The following STMND1 variants were observed in gnomAD, a reference collection of about 807,000 sequenced individuals.
STMND1 encodes the protein stathmin domain containing 1.
In STMND1, 17 loss-of-function variants were observed where a neutral mutation model predicts 23.0. The observed-to-expected ratio is 0.74, with a 90% CI of 0.51 to 1.11. The LOEUF (loss-of-function observed/expected upper bound fraction) is 1.11, where lower values mean the gene tolerates loss of function less well. Ranked by LOEUF, STMND1 falls within the 50% of genes least tolerant of loss-of-function variation. The pLI is 0.00. For missense variants in STMND1, 305 were observed against 329.1 expected (o/e 0.93, Z 0.57); for synonymous variants, 114 against 119.9 (o/e 0.95, Z 0.32).
At chr6:17,104,762 A>G (rs1760995980) in intron 1 of STMND1, among the ~76,000 whole-genome samples, 1 of 152,380 alleles carries the variant, frequency 6.6e-6, no homozygotes, top group Non-Finnish European at 1.5e-5. Context: ...TAGGTAGGAC[A>G]CATAAACCCA....
intron 1 of STMND1, among the ~76,000 whole-genome samples, chr6:17,107,998 C>T (rs911652495): frequency 7.2e-5 from 11 of 152,298 alleles, no homozygotes; most frequent in South Asian, 4.1e-4. Flanking sequence ...ATGTGTTACA[C>T]ATGGGTAAGA....
At position 17,102,187 on chromosome 6, in the gene STMND1, G is replaced by C. The variant is rs1045459306; in HGVS notation, c.-71G>C. The stretch of plus-strand genomic sequence containing the variant: ...CAGGAGCGCGGGACCACCGGCGCCG[G>C]AGCGCGGCAGGGAGCGCTCGCGGGG... On this transcript the variant is annotated 5_prime_UTR_variant, in exon 1 of 5. Transcript: ENST00000536551. 49 of 1,415,750 alleles carry C rather than the reference G, an allele frequency of 3.5e-5. No homozygotes were observed. Among genetic ancestry groups the C allele is most frequent in the Non-Finnish European group, 4.2e-5 (46 of 1,090,792 alleles). 87.7% of individuals were successfully genotyped at this position (1,415,750 alleles called of 1,614,324 possible).
chr6:17,126,078 T>A (rs1469357113), intron 3 of STMND1, among the ~76,000 whole-genome samples: 1,694 of 72,870 alleles, frequency 0.023, 4 homozygotes, highest in Non-Finnish European at 0.037. Flanking sequence ...ATATTTTTTT[T>A]TTTTTTTTTT....
intron 1 of STMND1, among the ~76,000 whole-genome samples, chr6:17,112,638 G>A (rs1303073877): frequency 6.6e-6 from 1 of 152,040 alleles, no homozygotes; most frequent in Non-Finnish European, 1.5e-5. Context: ...TTAGCCAGAC[G>A]TGGTGGCAGG....
chr6:17,106,770 A>T (rs1016413864), intron 1 of STMND1, among the ~76,000 whole-genome samples: 1 of 152,236 alleles, frequency 6.6e-6, no homozygotes, highest in Non-Finnish European at 1.5e-5. Flanking sequence ...GTTTCTTAGT[A>T]ACATGACTTT....
intron 3 of STMND1, among the ~76,000 whole-genome samples, chr6:17,123,655 C>T (rs1274292739): frequency 6.6e-6 from 1 of 152,214 alleles, no homozygotes; most frequent in African/African-American, 2.4e-5. Context: ...AAACTCTACA[C>T]AACGCTCTCA....
At chr6:17,128,660 T>A (rs1172385353) in intron 3 of STMND1, 3 of 152,600 alleles carry the variant, frequency 2.0e-5, no homozygotes, top group Non-Finnish European at 4.4e-5. Context: ...TTCACGTTGG[T>A]TTTTTTAATC....
intron 3 of STMND1, among the ~76,000 whole-genome samples, chr6:17,125,093 C>T (rs755238354): frequency 4.8e-5 from 7 of 145,520 alleles, no homozygotes; most frequent in Non-Finnish European, 7.5e-5. Context: ...CAGCTGGGAG[C>T]GTCCCTTGAG....
chr6:17,105,882 G>A (rs1390269930), intron 1 of STMND1, among the ~76,000 whole-genome samples: 3 of 152,126 alleles, frequency 2.0e-5, no homozygotes, highest in Non-Finnish European at 4.4e-5. Context: ...CCAAGATGGC[G>A]CCACTGCACT....
At chr6:17,129,296 G>T in intron 4 of STMND1, 53 bp downstream of exon 4, 2 of 1,517,214 alleles carry the variant, frequency 1.3e-6, no homozygotes, top group South Asian at 1.2e-5. Context: ...CTGTTAAAAT[G>T]ATCTCACCCC....
intron 1 of STMND1, among the ~76,000 whole-genome samples, chr6:17,104,424 C>T (rs937956750): frequency 3.3e-5 from 5 of 152,084 alleles, no homozygotes; most frequent in African/African-American, 1.2e-4. Context: ...TTCATGGTTA[C>T]TGCTAAAACT....
At position 17,116,522 on chromosome 6, in the gene STMND1, C is replaced by G. The variant is rs370075142; in HGVS notation, c.259+1383C>G. On this transcript the variant is annotated intron_variant, in intron 2 of 4. Coordinates refer to ENST00000536551, the MANE Select transcript of STMND1 (RefSeq NM_001190766.2). The stretch of plus-strand genomic sequence containing the variant: ...TGGTGCAATCTCCGCTCACTGCAAC[C>G]TCCGCCTCCCAGGTTCAAGCAGTAC... Among the ~76,000 whole-genome samples the G allele has an allele frequency of 1.3e-4, 20 of 152,254 alleles. No individual in the cohort carries two copies. In the East Asian group the frequency reaches 1.9e-3, roughly 15 times the overall value.
chr6:17,128,994 T>G, intron 3 of STMND1, 118 bp from the exon 4 acceptor site: 29 of 1,085,774 alleles, frequency 2.7e-5, no homozygotes, highest in South Asian at 3.3e-5. Context: ...ATTACAGGCA[T>G]GAGCCACTGC....
At chr6:17,114,545 C>T (rs1482516919) in intron 1 of STMND1, among the ~76,000 whole-genome samples, 1 of 152,208 alleles carries the variant, frequency 6.6e-6, no homozygotes, top group Non-Finnish European at 1.5e-5. Context: ...GGATTACAGG[C>T]GTGAGCCACT....
chr6:17,112,987 C>T (rs532740363), intron 1 of STMND1, among the ~76,000 whole-genome samples: 4 of 152,240 alleles, frequency 2.6e-5, no homozygotes, highest in South Asian at 2.1e-4. Flanking sequence ...AGTGGTATCT[C>T]ACTGTAGTTT....
chr6:17,128,346 T>C (rs1372705571), intron 3 of STMND1: 4 of 152,206 alleles, frequency 2.6e-5, no homozygotes, highest in African/African-American at 4.8e-5. Flanking sequence ...TCAGTAATCG[T>C]TAATTATCTC....
In STMND1 at chr6:17,122,259, T is replaced by G. The variant is rs534647717; in HGVS notation, c.411+1501T>G. On this transcript the variant is annotated intron_variant, in intron 3 of 4. Transcript: ENST00000536551. ...TGTTTTGTTTTCTTGTTTGTTTGGG[T>G]TTTTTTTTAAGCCAATGCTCCCAAG... Among the ~76,000 whole-genome samples the G allele has an allele frequency of 4.0e-5, 6 of 151,126 alleles. No homozygotes were observed. The East Asian group carries it at 9.7e-4, about 24-fold the overall frequency.
chr6:17,127,378 C>T (rs1353184421), intron 3 of STMND1, among the ~76,000 whole-genome samples: 11 of 151,906 alleles, frequency 7.2e-5, no homozygotes, highest in African/African-American at 9.7e-5. Context: ...GGTGAAACCC[C>T]GTCTCTACTA....
At chr6:17,108,703 T>TTTC (rs2113475371) in intron 1 of STMND1, among the ~76,000 whole-genome samples, 1 of 150,716 alleles carries the variant, frequency 6.6e-6, no homozygotes, top group East Asian at 1.9e-4. Context: ...TTTCTTTTTT[T>TTTC]TTTTTTTGAG....
Sources: gnomAD v4.1 joint callset for allele counts (sites outside exome capture counted in the v4.1 genomes callset) on GRCh38, gnomAD v4.1.1 for gene constraint, MANE v1.5 for transcripts, NCBI Gene and HGNC (gene_info 2026-07-23, HGNC 2026-07-21) for gene names.